Variants in CAMK1D observed in about 807,000 individuals in gnomAD.
The protein encoded by CAMK1D is calcium/calmodulin-dependent protein kinase type 1D.
In CAMK1D, 9 loss-of-function variants were observed where a neutral mutation model predicts 47.7. The ratio of observed to expected loss-of-function variants is 0.19; its 90% CI spans 0.11 to 0.33. The LOEUF is 0.33. CAMK1D is among the 10% of genes least tolerant of loss of function. The pLI, the probability that CAMK1D is intolerant of heterozygous loss-of-function variation, is 1.00. For synonymous variants in CAMK1D, 184 were observed against 184.9 expected (o/e 0.99, Z 0.04); for missense variants, 291 against 488.7 (o/e 0.60, Z 3.81).
chr10:12,419,090 C>T (rs1362701283), intron 1 of CAMK1D, among the ~76,000 whole-genome samples: 3 of 152,262 alleles, frequency 2.0e-5, no homozygotes, highest in East Asian at 1.9e-4. Flanking sequence ...AGAGGTCATC[C>T]GTTTCAAACT....
At chr10:12,710,357 GCTGTAC>G (rs1833891977) in intron 3 of CAMK1D, among the ~76,000 whole-genome samples, 1 of 152,072 alleles carries the variant, frequency 6.6e-6, no homozygotes, top group African/African-American at 2.4e-5. Context: ...CGGTAATTTG[GCTGTAC>G]CCTGTCATTC....
chr10:12,647,088 A>C (rs547436161), intron 2 of CAMK1D, among the ~76,000 whole-genome samples: 1 of 133,626 alleles, frequency 7.5e-6, no homozygotes, highest in African/African-American at 2.8e-5. Flanking sequence ...TGATCCGCCC[A>C]CCTCAGCCTC....
Position 12,349,744 on chromosome 10 carries a change from TGCGCCCGCGCC to T in CAMK1D, c.-68_-58del. 6 of 487,976 alleles carry T rather than the reference TGCGCCCGCGCC, an allele frequency of 1.2e-5. No homozygotes were observed. Among genetic ancestry groups the T allele is most frequent in the Non-Finnish European group, 1.7e-5 (6 of 360,550 alleles). The allele number at this position is 487,976 out of a possible 1,614,324, so 30.2% of individuals were successfully genotyped here. On this transcript the variant is annotated 5_prime_UTR_variant, in exon 1 of 11. Transcript: ENST00000619168. ...AGCCGCCCGGCATCCCCGCCGCCTC[TGCGCCCGCGCC>T]GCGCCCCCGGCGCCCCCTCCCCAGC...
chr10:12,480,833 G>A (rs1418286262), intron 1 of CAMK1D, among the ~76,000 whole-genome samples: 1 of 152,188 alleles, frequency 6.6e-6, no homozygotes, highest in African/African-American at 2.4e-5. Context: ...ACATGGAAAC[G>A]TGTAGATATA....
chr10:12,392,677 C>T (rs746011145), intron 1 of CAMK1D, among the ~76,000 whole-genome samples: 1 of 152,074 alleles, frequency 6.6e-6, no homozygotes, highest in Admixed American at 6.5e-5. Flanking sequence ...AATCTACTGT[C>T]TTAGCAATTT....
At chr10:12,792,052 G>C (rs1483831190) in intron 6 of CAMK1D, among the ~76,000 whole-genome samples, 2 of 152,038 alleles carry the variant, frequency 1.3e-5, no homozygotes, top group African/African-American at 4.8e-5. Flanking sequence ...TTTTCAATTT[G>C]CATTTTTGTA....
chr10:12,738,735 G>A (rs1835290913), intron 3 of CAMK1D, among the ~76,000 whole-genome samples: 1 of 152,108 alleles, frequency 6.6e-6, no homozygotes, highest in African/African-American at 2.4e-5. Flanking sequence ...AGGAGGCTGA[G>A]GCAGGAGGAG....
chr10:12,722,506 A>C (rs1834440130), intron 3 of CAMK1D, among the ~76,000 whole-genome samples: 1 of 148,398 alleles, frequency 6.7e-6, no homozygotes, highest in African/African-American at 2.4e-5. Context: ...AAAGTAGTGT[A>C]AGTTACAAAG....
intron 3 of CAMK1D, among the ~76,000 whole-genome samples, chr10:12,714,796 AC>A (rs1834062208): frequency 6.6e-6 from 1 of 150,996 alleles, no homozygotes; most frequent in South Asian, 2.1e-4. Context: ...ACACACACAC[AC>A]ACACACACAA....
At chr10:12,751,734 A>G (rs973233679) in intron 3 of CAMK1D, among the ~76,000 whole-genome samples, 6 of 152,340 alleles carry the variant, frequency 3.9e-5, no homozygotes, top group Non-Finnish European at 5.9e-5. Flanking sequence ...GAGTACGGGT[A>G]GAAAGACAAA....
In CAMK1D at chr10:12,809,811, G is replaced by A. The variant is rs1004935435; in HGVS notation, c.642-4384G>A. On this transcript the variant is annotated intron_variant, in intron 6 of 10. Coordinates refer to ENST00000619168, the MANE Select transcript of CAMK1D (RefSeq NM_153498.4). ...GATAAATGTGTTTGAGAGACCTCCC[G>A]TGCTACATTGCACCTATAGTCAACA... Among the ~76,000 whole-genome samples, 12 of 152,078 alleles carry A rather than the reference G, an allele frequency of 7.9e-5. 1 individual carries two copies. Among genetic ancestry groups the A allele is most frequent in the African/African-American group, 2.7e-4 (11 of 41,402 alleles).
intron 2 of CAMK1D, among the ~76,000 whole-genome samples, chr10:12,637,554 T>C (rs1230859257): frequency 6.6e-6 from 1 of 150,804 alleles, no homozygotes; most frequent in Non-Finnish European, 1.5e-5. Context: ...ATGCCAAATA[T>C]TTCCCAAGGT....
intron 1 of CAMK1D, among the ~76,000 whole-genome samples, chr10:12,387,576 G>C (rs895929959): frequency 2.2e-4 from 32 of 145,878 alleles, no homozygotes; most frequent in Non-Finnish European, 6.0e-5. Context: ...GTGCAATCTC[G>C]GCTCACTGCA....
chr10:12,446,431 C>G (rs891857545), intron 1 of CAMK1D, among the ~76,000 whole-genome samples: 3 of 152,178 alleles, frequency 2.0e-5, no homozygotes, highest in African/African-American at 7.2e-5. Flanking sequence ...AGAGGTCACT[C>G]TCGTCGCCAT....
intron 8 of CAMK1D, among the ~76,000 whole-genome samples, chr10:12,817,905 T>C (rs1188398494): frequency 6.6e-6 from 1 of 152,122 alleles, no homozygotes; most frequent in Non-Finnish European, 1.5e-5. Flanking sequence ...GCCAGGGTGG[T>C]CTCAAACTCC....
At chr10:12,606,340 G>A (rs959468250) in intron 2 of CAMK1D, among the ~76,000 whole-genome samples, 4 of 152,180 alleles carry the variant, frequency 2.6e-5, no homozygotes, top group African/African-American at 4.8e-5. Context: ...AGTCGGTCAC[G>A]CACGTTTCCT....
At chr10:12,574,661 G>A (rs1837436763) in intron 2 of CAMK1D, among the ~76,000 whole-genome samples, 1 of 151,638 alleles carries the variant, frequency 6.6e-6, no homozygotes, top group South Asian at 2.1e-4. Context: ...TCCTCCTCGT[G>A]TTAGTCTGTT....
At chr10:12,480,487 C>A (rs1834033340) in intron 1 of CAMK1D, among the ~76,000 whole-genome samples, 1 of 152,066 alleles carries the variant, frequency 6.6e-6, no homozygotes, top group Non-Finnish European at 1.5e-5. Flanking sequence ...AAACAAAATC[C>A]TATAGAGCCA....
chr10:12,397,838 C>T (rs1266314040), intron 1 of CAMK1D, among the ~76,000 whole-genome samples: 1 of 152,206 alleles, frequency 6.6e-6, no homozygotes, highest in African/African-American at 2.4e-5. Context: ...GTAAACTGTA[C>T]ATTGAAAATC....
Sources: allele counts gnomAD v4.1 joint callset (sites outside exome capture counted in the v4.1 genomes callset), GRCh38; gene constraint gnomAD v4.1.1; transcripts MANE v1.5; gene names NCBI Gene and HGNC (gene_info 2026-07-23, HGNC 2026-07-21).